The following PLEKHH2 variants were observed in gnomAD, a reference collection of about 807,000 sequenced individuals.
The protein encoded by PLEKHH2 is pleckstrin homology domain-containing family H member 2.
PLEKHH2 carries 129 observed loss-of-function variants against 187.9 expected under a neutral mutation model. That is an observed-to-expected ratio of 0.69 (90% CI 0.59 to 0.79). PLEKHH2 has a LOEUF of 0.79. Ranked by LOEUF, PLEKHH2 falls within the 30% of genes least tolerant of loss-of-function variation. PLEKHH2 has a pLI of 0.00. For missense variants in PLEKHH2, 2,076 were observed against 1,751.2 expected (o/e 1.19, Z -3.31); for synonymous variants, 686 against 605.6 (o/e 1.13, Z -1.95).
intron 17 of PLEKHH2, among the ~76,000 whole-genome samples, chr2:43,727,789 C>A (rs1419483105): frequency 2.0e-5 from 3 of 152,224 alleles, no homozygotes; most frequent in Non-Finnish European, 4.4e-5. Flanking sequence ...TGATATTAGA[C>A]CCCTATCTCT....
intron 3 of PLEKHH2, 66 bp from the exon 4 acceptor site, chr2:43,692,448 T>C: frequency 7.5e-7 from 1 of 1,325,922 alleles, no homozygotes; most frequent in Non-Finnish European, 1.0e-6. Flanking sequence ...AAGGTAAAAT[T>C]CTAGGTTTAA....
chr2:43,754,165 TACACACACACACACAC>T (rs373399236), intron 25 of PLEKHH2, among the ~76,000 whole-genome samples: 6 of 118,014 alleles, frequency 5.1e-5, no homozygotes, highest in Middle Eastern at 3.8e-3. Flanking sequence ...TTCAATCTTC[TACACACACACACACAC>T]ACACACACAC....
At chr2:43,667,936 G>A (rs900528871) in intron 2 of PLEKHH2, among the ~76,000 whole-genome samples, 6 of 152,242 alleles carry the variant, frequency 3.9e-5, no homozygotes, top group African/African-American at 1.4e-4. Flanking sequence ...GGTTAATTTT[G>A]TGGCATGTGA....
At chr2:43,675,855 C>T (rs756598739) in intron 2 of PLEKHH2, 23 of 1,613,920 alleles carry the variant, frequency 1.4e-5, no homozygotes, top group African/African-American at 2.7e-5. Context: ...CCCTTGTAAA[C>T]AAAAGGTACT....
chr2:43,659,647 C>T (rs1471031000), intron 2 of PLEKHH2, among the ~76,000 whole-genome samples: 2 of 151,496 alleles, frequency 1.3e-5, no homozygotes, highest in African/African-American at 4.9e-5. Flanking sequence ...CAACCTCTGC[C>T]TCCCAGGTTC....
At chr2:43,735,051 G>A (rs554627527) in intron 19 of PLEKHH2, among the ~76,000 whole-genome samples, 28 of 152,182 alleles carry the variant, frequency 1.8e-4, no homozygotes, top group African/African-American at 6.5e-4. Context: ...TTAACTGGGC[G>A]TAGTGGTGCA....
At position 43,699,855 on chromosome 2, in the gene PLEKHH2, G is replaced by C. The variant is rs369011442; in HGVS notation, c.897G>C (p.Lys299Asn). Residue 299 changes from lysine (K) to asparagine (N), a missense_variant, in exon 8 of 30, where the codon AAG becomes AAC. Transcript: ENST00000282406. Reference sequence around the variant, plus strand: ...AAGACGGGAGCAAAGGAAGATCCAAGTCCAGATGCACATCCACCCTCTCCA... The same window carrying C: ...AAGACGGGAGCAAAGGAAGATCCAACTCCAGATGCACATCCACCCTCTCCA... ...DEEDGSKGRS[K>N]SRCTSTLSSH... The C allele has an allele frequency of 1.8e-5, 29 of 1,614,028 alleles. No homozygotes were observed. In the African/African-American group the frequency reaches 3.7e-4, roughly 21 times the overall value.
At chr2:43,709,899 G>T in intron 11 of PLEKHH2, 91 bp from the exon 12 acceptor site, 1 of 1,267,714 alleles carries the variant, frequency 7.9e-7, no homozygotes, top group Non-Finnish European at 1.1e-6. Flanking sequence ...TATGATTTAG[G>T]AATAATTGCA....
chr2:43,678,737 A>AGTGTAG, intron 2 of PLEKHH2, 126 bp from the exon 3 acceptor site: 2 of 412,116 alleles, frequency 4.9e-6, no homozygotes, highest in African/African-American at 5.7e-5. Context: ...TAGAGGTGGA[A>AGTGTAG]GTGGAGGTGG....
chr2:43,683,756 G>A (rs1378643331), intron 3 of PLEKHH2, among the ~76,000 whole-genome samples: 1 of 151,722 alleles, frequency 6.6e-6, no homozygotes, highest in Non-Finnish European at 1.5e-5. Flanking sequence ...CCACCAGGAG[G>A]TGGATGTCTA....
intron 6 of PLEKHH2, among the ~76,000 whole-genome samples, chr2:43,696,879 C>G (rs1669119250): frequency 6.6e-6 from 1 of 152,180 alleles, no homozygotes; most frequent in East Asian, 1.9e-4. Context: ...TATTTATAAT[C>G]TGTTTGTGTT....
chr2:43,666,038 C>G (rs886377499), intron 2 of PLEKHH2, among the ~76,000 whole-genome samples: 3 of 148,636 alleles, frequency 2.0e-5, no homozygotes, highest in African/African-American at 7.7e-5. Context: ...TTTACCTAAG[C>G]AAGCCTGGGC....
intron 2 of PLEKHH2, among the ~76,000 whole-genome samples, chr2:43,656,816 G>A (rs1666792652): frequency 6.6e-6 from 1 of 152,180 alleles, no homozygotes; most frequent in Non-Finnish European, 1.5e-5. Context: ...CTAGGAGTTT[G>A]AGACCAGCCT....
In PLEKHH2 at chr2:43,720,168, T is replaced by C. The variant is rs190777101; in HGVS notation, c.2461-501T>C. Among the ~76,000 whole-genome samples the C allele has an allele frequency of 3.2e-3, 482 of 152,338 alleles. 1 individual carries two copies. Among genetic ancestry groups the C allele is most frequent in the Non-Finnish European group, 3.7e-3 (250 of 68,036 alleles). On this transcript the variant is annotated intron_variant, in intron 15 of 29. Transcript: ENST00000282406. ...CCCTCCACTCCCTTCTTTATCCATC[T>C]GTGAAACCTCAGTCCTAGGCATAGT...
chr2:43,745,972 TA>T lies in PLEKHH2; in HGVS notation c.3653+10del. The T allele has an allele frequency of 1.3e-6, 2 of 1,567,986 alleles. No homozygotes were observed. The highest frequency in any genetic ancestry group is 1.7e-6 in the Non-Finnish European group (2 of 1,145,588). ...CTGACATACAAAAACAGGTGTGTAATACTGCATCCAGATGCCAAAGTATGAG... is the reference window on the plus strand; with the variant it reads ...CTGACATACAAAAACAGGTGTGTAATCTGCATCCAGATGCCAAAGTATGAG... On this transcript the variant is annotated intron_variant, in intron 24 of 29. Transcript: ENST00000282406.
rs1305087409 is a variant in PLEKHH2 at position 43,712,291 on chromosome 2, A to G, written c.2368A>G (p.Lys790Glu). ...DSPNILEEWI[K>E]VLQNVLRVQA... ...TCCCAATATATTGGAAGAGTGGATT[A>G]AAGTGTTACAGAATGTTCTTCGAGT... The change falls in exon 15 of 30, where the codon AAA becomes GAA. Residue 790 changes from lysine to glutamate, a missense_variant. Lys to Glu is a moderately conservative substitution (Grantham distance 56, BLOSUM62 1). Transcript: ENST00000282406. 1 of 1,613,472 alleles carries G rather than the reference A, an allele frequency of 6.2e-7. No individual in the cohort carries two copies. Among genetic ancestry groups the G allele is most frequent in the Non-Finnish European group, 8.5e-7 (1 of 1,179,496 alleles).
chr2:43,715,936 G>A (rs1670190358), intron 15 of PLEKHH2, among the ~76,000 whole-genome samples: 1 of 152,150 alleles, frequency 6.6e-6, no homozygotes, highest in Admixed American at 6.5e-5. Flanking sequence ...GGTAACACTT[G>A]TAAATTTAAG....
intron 2 of PLEKHH2, among the ~76,000 whole-genome samples, chr2:43,671,098 C>T (rs1667476412): frequency 6.6e-6 from 1 of 151,982 alleles, no homozygotes. Flanking sequence ...ATTCTCCTGC[C>T]TCTGCCCCCC....
At chr2:43,680,602 G>A (rs187816922) in intron 3 of PLEKHH2, 100 of 205,482 alleles carry the variant, frequency 4.9e-4, no homozygotes, top group African/African-American at 1.9e-3. Context: ...GGCTTTCCCC[G>A]TTGCTGCACT....
Sources: gnomAD v4.1 joint callset for allele counts (sites outside exome capture counted in the v4.1 genomes callset) on GRCh38, gnomAD v4.1.1 for gene constraint, MANE v1.5 for transcripts, NCBI Gene and HGNC (gene_info 2026-07-23, HGNC 2026-07-21) for gene names.